Variants in TAFA2 observed in about 807,000 individuals in gnomAD.
The protein encoded by TAFA2 is chemokine-like protein TAFA-2.
Under a neutral mutation model 18.8 loss-of-function variants are expected in TAFA2, and 7 were observed. That is an observed-to-expected ratio of 0.37 (90% CI 0.21 to 0.70). The LOEUF (loss-of-function observed/expected upper bound fraction) is 0.70, where lower values mean the gene tolerates loss of function less well. TAFA2 is among the 30% of genes least tolerant of loss of function. The pLI, the probability that TAFA2 is intolerant of heterozygous loss-of-function variation, is 0.53. For synonymous variants in TAFA2, 60 were observed against 54.2 expected (o/e 1.11, Z -0.47); for missense variants, 122 against 158.1 (o/e 0.77, Z 1.23).
chr12:62,175,874 A>G (rs1005032782), intron 1 of TAFA2, among the ~76,000 whole-genome samples: 7 of 21,062 alleles, frequency 3.3e-4, no homozygotes, highest in African/African-American at 9.2e-4. Flanking sequence ...TATTATATAT[A>G]TATATATATT....
chr12:61,827,568 C>G (rs1872574080), intron 2 of TAFA2, among the ~76,000 whole-genome samples: 1 of 151,808 alleles, frequency 6.6e-6, no homozygotes, highest in African/African-American at 2.4e-5. Flanking sequence ...GTGTATTTAA[C>G]TGAATAAGCA....
chr12:61,960,264 G>A (rs770345393), intron 1 of TAFA2, among the ~76,000 whole-genome samples: 1 of 151,192 alleles, frequency 6.6e-6, no homozygotes, highest in Non-Finnish European at 1.5e-5. Context: ...AGAAAATATC[G>A]CTGGGTTCAG....
At chr12:62,212,926 T>A (rs2062720072) in intron 1 of TAFA2, among the ~76,000 whole-genome samples, 1 of 152,224 alleles carries the variant, frequency 6.6e-6, no homozygotes, top group Non-Finnish European at 1.5e-5. Context: ...ACTTTTAATA[T>A]TAGAGTGCTT....
At chr12:62,161,379 G>C (rs1431844986) in intron 1 of TAFA2, among the ~76,000 whole-genome samples, 4 of 152,132 alleles carry the variant, frequency 2.6e-5, no homozygotes, top group African/African-American at 4.8e-5. Flanking sequence ...GCCATAAAAA[G>C]AACAAAGTCA....
intron 1 of TAFA2, among the ~76,000 whole-genome samples, chr12:61,965,250 C>T (rs923001934): frequency 3.3e-5 from 5 of 151,784 alleles, no homozygotes; most frequent in African/African-American, 1.2e-4. Flanking sequence ...CTTGTTTGCC[C>T]TTTTCACTAT....
chr12:61,730,719 A>G (rs558071124), intron 4 of TAFA2, among the ~76,000 whole-genome samples: 5 of 152,178 alleles, frequency 3.3e-5, no homozygotes, highest in African/African-American at 1.2e-4. Context: ...GCATCACCCA[A>G]CACCTACACA....
At chr12:62,175,137 C>T (rs1033806285) in intron 1 of TAFA2, among the ~76,000 whole-genome samples, 7 of 152,130 alleles carry the variant, frequency 4.6e-5, no homozygotes, top group African/African-American at 1.7e-4. Context: ...TGGATCAATG[C>T]TTATGTAACT....
At chr12:62,047,738 T>A (rs140880844) in intron 1 of TAFA2, among the ~76,000 whole-genome samples, 1,946 of 152,238 alleles carry the variant, frequency 0.013, 22 homozygotes, top group Non-Finnish European at 0.02. Context: ...CCTAAGAAAG[T>A]TTTTTTAAAT....
chr12:61,767,611 A>G (rs1869846427), intron 2 of TAFA2, among the ~76,000 whole-genome samples: 1 of 152,076 alleles, frequency 6.6e-6, no homozygotes, highest in Non-Finnish European at 1.5e-5. Context: ...CTTTTCTCAC[A>G]CACGGAAGGT....
At chr12:62,202,658 A>T (rs1271292657) in intron 1 of TAFA2, among the ~76,000 whole-genome samples, 1 of 151,608 alleles carries the variant, frequency 6.6e-6, no homozygotes, top group Non-Finnish European at 1.5e-5. Context: ...AGTGTTATAA[A>T]TTTCCCTCTT....
At chr12:62,129,927 C>A (rs2136892344) in intron 1 of TAFA2, among the ~76,000 whole-genome samples, 1 of 152,110 alleles carries the variant, frequency 6.6e-6, no homozygotes, top group South Asian at 2.1e-4. Flanking sequence ...CTAAAACATA[C>A]CATTTCTCAA....
chr12:62,035,623 C>T (rs1881579611), intron 1 of TAFA2, among the ~76,000 whole-genome samples: 1 of 150,176 alleles, frequency 6.7e-6, no homozygotes, highest in Admixed American at 6.6e-5. Flanking sequence ...GTGGAGAGTG[C>T]AATGGGAAAA....
At chr12:62,011,492 G>C (rs1880764004) in intron 1 of TAFA2, among the ~76,000 whole-genome samples, 1 of 152,092 alleles carries the variant, frequency 6.6e-6, no homozygotes, top group African/African-American at 2.4e-5. Context: ...TCAACTCAGG[G>C]TTAAATGGAT....
At position 61,816,659 on chromosome 12, in the gene TAFA2, G is replaced by A. The variant is rs187029509; in HGVS notation, c.106+50661C>T. Among the ~76,000 whole-genome samples, 76 of 151,272 alleles carry A rather than the reference G, an allele frequency of 5.0e-4. 1 individual carries two copies. The highest frequency in any genetic ancestry group is 3.4e-3 in the Middle Eastern group (1 of 294). On this transcript the variant is annotated intron_variant, in intron 2 of 4. Transcript: ENST00000416284. Reference sequence around the variant, plus strand: ...CACCAACAGTATTTAAGCGTTCCTAGGGCTATTTTAAGTAGAGCATTGGGA... The same window carrying A: ...CACCAACAGTATTTAAGCGTTCCTAAGGCTATTTTAAGTAGAGCATTGGGA...
At position 61,928,881 on chromosome 12, in the gene TAFA2, C is replaced by T. The variant is rs537773258; in HGVS notation, c.-1-61455G>A. 1.4e-3 allele frequency among the ~76,000 whole-genome samples: 210 copies of T among 152,138 alleles called. 2 individuals carry two copies. The Middle Eastern group carries it at 0.017, about 12-fold the overall frequency. ...CAGGGACATGGAAGAAGCTGGAAAT[C>T]ATCATTCTCAGCAAACTAACACAGG... On this transcript the variant is annotated intron_variant, in intron 1 of 4. Coordinates refer to ENST00000416284, the MANE Select transcript of TAFA2 (RefSeq NM_178539.5).
intron 2 of TAFA2, among the ~76,000 whole-genome samples, chr12:61,807,563 C>A (rs1020382326): frequency 6.6e-6 from 1 of 151,294 alleles, no homozygotes; most frequent in Non-Finnish European, 1.5e-5. Flanking sequence ...CCTCCATACC[C>A]TAGAATGGTA....
chr12:62,080,028 C>T (rs1302227060), intron 1 of TAFA2, among the ~76,000 whole-genome samples: 3 of 152,162 alleles, frequency 2.0e-5, no homozygotes, highest in Non-Finnish European at 4.4e-5. Flanking sequence ...CATTCTCATC[C>T]GGAGCTCAAG....
intron 1 of TAFA2, among the ~76,000 whole-genome samples, chr12:62,058,831 C>G (rs1003513491): frequency 3.9e-5 from 6 of 152,170 alleles, no homozygotes; most frequent in African/African-American, 1.4e-4. Flanking sequence ...AGTGCGGGTG[C>G]AATGGCTCAC....
intron 1 of TAFA2, among the ~76,000 whole-genome samples, chr12:62,018,680 G>A (rs1407606723): frequency 6.6e-6 from 1 of 152,064 alleles, no homozygotes; most frequent in Non-Finnish European, 1.5e-5. Context: ...AATTCAAGAT[G>A]GATTAAAGAC....
Sources: gnomAD v4.1 joint callset for allele counts (sites outside exome capture counted in the v4.1 genomes callset) on GRCh38, gnomAD v4.1.1 for gene constraint, MANE v1.5 for transcripts, NCBI Gene and HGNC (gene_info 2026-07-23, HGNC 2026-07-21) for gene names.